RANBP17: variants seen among roughly 807,000 people sequenced by gnomAD.
The protein encoded by RANBP17 is ran-binding protein 17.
A neutral mutation model predicts 141.2 loss-of-function variants in RANBP17; 158 were observed. That is an observed-to-expected ratio of 1.12 (90% CI 0.98 to 1.28). The LOEUF is 1.28. Among genes scored for constraint, RANBP17 ranks in the 50% most tolerant of loss-of-function variants. The pLI is 0.00. For synonymous variants in RANBP17, 430 were observed against 450.0 expected (o/e 0.96, Z 0.56); for missense variants, 1,438 against 1,290.7 (o/e 1.11, Z -1.75).
At chr5:171,119,317 A>T (rs545722663) in intron 14 of RANBP17, among the ~76,000 whole-genome samples, 1 of 152,046 alleles carries the variant, frequency 6.6e-6, no homozygotes, top group Non-Finnish European at 1.5e-5. Context: ...TCCATGAGGG[A>T]TATTGGCCTG....
In RANBP17 at chr5:171,099,430, C is replaced by T. The variant is rs575100707; in HGVS notation, c.1711-70700C>T. ...GCTGATATTGGTGTATAGGAATGCT[C>T]GTGATTTTCGCACGTTGATTTTATA... On this transcript the variant is annotated intron_variant, in intron 14 of 27. Transcript: ENST00000523189. Among the ~76,000 whole-genome samples the T allele has an allele frequency of 4.8e-4, 73 of 152,118 alleles. 2 individuals carry two copies. The South Asian group carries it at 0.014, about 29-fold the overall frequency.
chr5:171,245,084 A>T (rs777790025), intron 24 of RANBP17, among the ~76,000 whole-genome samples: 10 of 151,814 alleles, frequency 6.6e-5, no homozygotes, highest in Non-Finnish European at 1.2e-4. Flanking sequence ...AGTCAAGATC[A>T]TGCCACTGCA....
intron 14 of RANBP17, among the ~76,000 whole-genome samples, chr5:171,060,334 G>A (rs1001510775): frequency 3.3e-5 from 5 of 150,186 alleles, no homozygotes; most frequent in East Asian, 2.0e-4. Flanking sequence ...TTTGAGATAC[G>A]TCCCATCAAT....
chr5:171,203,531 G>A (rs1297539808), intron 19 of RANBP17, among the ~76,000 whole-genome samples: 1 of 151,820 alleles, frequency 6.6e-6, no homozygotes, highest in African/African-American at 2.4e-5. Context: ...ATTATTATAT[G>A]CTTCCTCTGT....
intron 14 of RANBP17, among the ~76,000 whole-genome samples, chr5:171,073,277 A>G (rs1165462414): frequency 6.6e-6 from 1 of 152,128 alleles, no homozygotes; most frequent in Admixed American, 6.5e-5. Context: ...GGTAGGGGGG[A>G]AAGGAACTGA....
intron 25 of RANBP17, chr5:171,271,566 T>A (rs563665779): frequency 6.2e-4 from 130 of 209,972 alleles, no homozygotes; most frequent in African/African-American, 2.7e-3. Context: ...TTTTCTAATG[T>A]TAATAAAGAC....
intron 14 of RANBP17, among the ~76,000 whole-genome samples, chr5:170,995,801 G>A (rs1778781329): frequency 6.6e-6 from 1 of 151,874 alleles, no homozygotes; most frequent in East Asian, 1.9e-4. Flanking sequence ...AAAAGGGAGG[G>A]GGTGAACAAA....
intron 25 of RANBP17, among the ~76,000 whole-genome samples, chr5:171,275,851 C>T (rs995982071): frequency 2.6e-5 from 4 of 151,900 alleles, no homozygotes; most frequent in East Asian, 1.9e-4. Flanking sequence ...ATGAAATGCA[C>T]GTATGGAAAC....
intron 1 of RANBP17, among the ~76,000 whole-genome samples, chr5:170,872,744 ATTTTCTGCATCATTCTAT>A (rs1203394030): frequency 4.6e-5 from 7 of 151,858 alleles, no homozygotes; most frequent in Non-Finnish European, 1.0e-4. Flanking sequence ...TCTTGAAGGC[ATTTTCTGCATCATTCTAT>A]TTTTCTGCAT....
chr5:170,937,704 G>A (rs540594097), intron 12 of RANBP17, among the ~76,000 whole-genome samples: 2 of 152,222 alleles, frequency 1.3e-5, no homozygotes, highest in Non-Finnish European at 2.9e-5. Context: ...AGCTTGTGTT[G>A]TAGTGCTGTT....
intron 14 of RANBP17, among the ~76,000 whole-genome samples, chr5:171,035,724 T>C (rs1486137470): frequency 6.9e-6 from 1 of 145,384 alleles, no homozygotes. Context: ...TTGCACTGTT[T>C]GTTTCTTTTT....
At chr5:171,108,009 A>T (rs1190472423) in intron 14 of RANBP17, among the ~76,000 whole-genome samples, 1 of 152,236 alleles carries the variant, frequency 6.6e-6, no homozygotes, top group East Asian at 1.9e-4. Context: ...TTGGAATTGT[A>T]GCAGAATGTT....
chr5:171,020,791 A>T (rs1028279919), intron 14 of RANBP17, among the ~76,000 whole-genome samples: 4 of 152,140 alleles, frequency 2.6e-5, no homozygotes, highest in South Asian at 2.1e-4. Context: ...TAATATTGTT[A>T]TGTGTGAATT....
intron 14 of RANBP17, among the ~76,000 whole-genome samples, chr5:171,011,606 A>G (rs1035997212): frequency 6.6e-6 from 1 of 152,016 alleles, no homozygotes; most frequent in Admixed American, 6.6e-5. Context: ...CTATATATAC[A>G]TTTATGCATA....
intron 14 of RANBP17, among the ~76,000 whole-genome samples, chr5:170,975,969 C>A (rs6879301): frequency 1.4e-5 from 2 of 146,582 alleles, no homozygotes; most frequent in East Asian, 4.1e-4. Context: ...ACTAGGGGTT[C>A]TATTGAGATA....
At chr5:170,932,697 A>G (rs1008048897) in intron 12 of RANBP17, among the ~76,000 whole-genome samples, 33 of 152,196 alleles carry the variant, frequency 2.2e-4, no homozygotes, top group African/African-American at 7.7e-4. Flanking sequence ...CTCTGTTTAT[A>G]TGCTGGATTA....
intron 5 of RANBP17, among the ~76,000 whole-genome samples, chr5:170,908,617 A>G (rs781777819): frequency 1.3e-5 from 2 of 151,434 alleles, no homozygotes; most frequent in Non-Finnish European, 3.0e-5. Flanking sequence ...CCAGGCAACA[A>G]ACACACACAT....
intron 1 of RANBP17, among the ~76,000 whole-genome samples, chr5:170,873,365 A>C (rs1473754204): frequency 6.6e-6 from 1 of 152,228 alleles, no homozygotes; most frequent in Admixed American, 6.5e-5. Context: ...GCCTCATAAA[A>C]TGAGTTAGGG....
At chr5:170,985,554 T>G (rs1164987077) in intron 14 of RANBP17, among the ~76,000 whole-genome samples, 1 of 152,212 alleles carries the variant, frequency 6.6e-6, no homozygotes, top group African/African-American at 2.4e-5. Context: ...TGATATCCTA[T>G]TCAATCTTTC....
Sources: gnomAD v4.1 joint callset for allele counts (sites outside exome capture counted in the v4.1 genomes callset) on GRCh38, gnomAD v4.1.1 for gene constraint, MANE v1.5 for transcripts, NCBI Gene and HGNC (gene_info 2026-07-23, HGNC 2026-07-21) for gene names.